DENND2A: variants seen among roughly 807,000 people sequenced by gnomAD.
The protein encoded by DENND2A is DENN domain-containing protein 2A.
In DENND2A, 53 loss-of-function variants were observed where a neutral mutation model predicts 105.3. The observed-to-expected ratio is 0.50, with a 90% CI of 0.40 to 0.63. The LOEUF (loss-of-function observed/expected upper bound fraction) is 0.63, where lower values mean the gene tolerates loss of function less well. DENND2A is among the 30% of genes least tolerant of loss of function. The probability of loss-of-function intolerance (pLI) is 0.00; values close to 1 mark genes in which losing one functional copy is unlikely to be tolerated. For synonymous variants in DENND2A, 522 were observed against 508.4 expected (o/e 1.03, Z -0.36); for missense variants, 1,138 against 1,279.6 (o/e 0.89, Z 1.69).
chr7:140,589,826 G>A lies in DENND2A; in HGVS notation c.996-2046C>T, dbSNP rs1309053215. ...AATTTTTTGTAGAAATGGAGGTCTT[G>A]CTTTGCTGCCCAGGCTGGTCTCAAA... On this transcript the variant is annotated intron_variant, in intron 3 of 19. Coordinates refer to ENST00000496613, the MANE Select transcript of DENND2A (RefSeq NM_015689.5). 1.3e-4 allele frequency among the ~76,000 whole-genome samples: 20 copies of A among 152,116 alleles called. No homozygotes were observed. In the South Asian group the frequency reaches 4.2e-3, roughly 32 times the overall value.
At position 140,570,750 on chromosome 7, in the gene DENND2A, C is replaced by T. The variant is rs934702180; in HGVS notation, c.1447-1012G>A. Reference sequence around the variant, plus strand: ...GGTCTCCCCCATCACCACTGCCAGACGCCCTGTGCCCTGCCCCTCCCCACC... The same window carrying T: ...GGTCTCCCCCATCACCACTGCCAGATGCCCTGTGCCCTGCCCCTCCCCACC... On this transcript the variant is annotated intron_variant, in intron 6 of 19. Transcript: ENST00000496613. Among the ~76,000 whole-genome samples the T allele has an allele frequency of 3.9e-5, 6 of 152,222 alleles. 1 individual carries two copies. Among genetic ancestry groups the T allele is most frequent in the South Asian group, 4.1e-4 (2 of 4,826 alleles).
chr7:140,535,348 T>A (rs1404790846), intron 14 of DENND2A, among the ~76,000 whole-genome samples: 1 of 152,230 alleles, frequency 6.6e-6, no homozygotes, highest in South Asian at 2.1e-4. Flanking sequence ...GGAGTCACCA[T>A]GCAGTGGCTC....
At chr7:140,622,256 C>T (rs181034654) in intron 1 of DENND2A, among the ~76,000 whole-genome samples, 1 of 151,970 alleles carries the variant, frequency 6.6e-6, no homozygotes, top group African/African-American at 2.4e-5. Flanking sequence ...ATTAGCCAGG[C>T]GTGGTGGCAC....
At chr7:140,564,294 A>ATACACACAC (rs60977409) in intron 9 of DENND2A, among the ~76,000 whole-genome samples, 1 of 142,056 alleles carries the variant, frequency 7.0e-6, no homozygotes, top group South Asian at 2.2e-4. Context: ...AAAAAAAAAA[A>ATACACACAC]AAATACACAC....
At chr7:140,556,731 T>C (rs964845415) in intron 11 of DENND2A, among the ~76,000 whole-genome samples, 2 of 152,232 alleles carry the variant, frequency 1.3e-5, no homozygotes, top group Admixed American at 6.5e-5. Context: ...ATTTTACTGA[T>C]TAATTCAAAA....
chr7:140,560,491 A>T (rs1797569303), intron 9 of DENND2A, among the ~76,000 whole-genome samples: 1 of 152,140 alleles, frequency 6.6e-6, no homozygotes, highest in Non-Finnish European at 1.5e-5. Context: ...ATCATACAGT[A>T]TCTGACATAT....
rs1408171421 is a variant in DENND2A, at chr7:140,559,926, G to C, written c.1780-109C>G. 2.5e-6 allele frequency: 2 copies of C among 810,418 alleles called. No individual in the cohort carries two copies. Among genetic ancestry groups the C allele is most frequent in the African/African-American group, 3.4e-5 (2 of 58,848 alleles). 50.2% of individuals were successfully genotyped at this position (810,418 alleles called of 1,614,324 possible). ...CCACCTTTCCACATTTGTGACTGCC[G>C]CCTTAGCCTCTTCCCTTGGGAAGAG... On this transcript the variant is annotated intron_variant, in intron 9 of 19. Transcript: ENST00000496613. The surrounding 1 kb of genome is among the most constrained non-coding windows in gnomAD (Gnocchi z 4.1).
At chr7:140,535,503 C>G (rs545989287) in intron 14 of DENND2A, among the ~76,000 whole-genome samples, 1 of 152,218 alleles carries the variant, frequency 6.6e-6, no homozygotes, top group South Asian at 2.1e-4. Context: ...GCCTCAGATT[C>G]TCACCTGTGA....
chr7:140,539,628 G>A (rs548960638), intron 14 of DENND2A, among the ~76,000 whole-genome samples: 5 of 152,312 alleles, frequency 3.3e-5, no homozygotes, highest in East Asian at 3.9e-4. Context: ...GCAGAATGAC[G>A]GATCCTCTGC....
chr7:140,570,172 G>C (rs1172357951), intron 6 of DENND2A, among the ~76,000 whole-genome samples: 1 of 152,154 alleles, frequency 6.6e-6, no homozygotes, highest in African/African-American at 2.4e-5. Context: ...TGGGATTACA[G>C]GCGCGAGCCA....
At chr7:140,546,451 G>A (rs969197908) in intron 13 of DENND2A, among the ~76,000 whole-genome samples, 2 of 152,048 alleles carry the variant, frequency 1.3e-5, no homozygotes, top group African/African-American at 4.8e-5. Context: ...TTATAGAGGT[G>A]ATACAGACTT....
At chr7:140,534,580 G>A (rs752447194) in intron 14 of DENND2A, among the ~76,000 whole-genome samples, 19 of 152,176 alleles carry the variant, frequency 1.2e-4, no homozygotes, top group African/African-American at 3.4e-4. Flanking sequence ...GTGAAGGCCC[G>A]AGGAGCCCTC....
chr7:140,592,609 T>C (rs1489620489), intron 3 of DENND2A, among the ~76,000 whole-genome samples: 2 of 151,380 alleles, frequency 1.3e-5, no homozygotes, highest in Non-Finnish European at 2.9e-5. Context: ...TTTTTTTTTT[T>C]CTTTTTTTGA....
intron 1 of DENND2A, among the ~76,000 whole-genome samples, chr7:140,634,815 T>C (rs1800860994): frequency 6.6e-6 from 1 of 152,000 alleles, no homozygotes; most frequent in Non-Finnish European, 1.5e-5. Flanking sequence ...GAGGTTGCTG[T>C]GAGCTGAGAT....
At position 140,586,347 on chromosome 7, in the gene DENND2A, C is replaced by T. The variant is rs527914022; in HGVS notation, c.1124-637G>A. Among the ~76,000 whole-genome samples the T allele has an allele frequency of 2.6e-4, 38 of 148,950 alleles. 2 individuals are homozygous for T. In the South Asian group the frequency reaches 6.4e-3, roughly 25 times the overall value. ...TAGCCTGGGCAATGTGGGAAAACCC[C>T]GTCCCTCCTAAAAAAGAAAACACAC... On this transcript the variant is annotated intron_variant, in intron 4 of 19. Coordinates refer to ENST00000496613, the MANE Select transcript of DENND2A (RefSeq NM_015689.5).
chr7:140,594,074 T>C (rs954579763), intron 3 of DENND2A, among the ~76,000 whole-genome samples: 1 of 152,030 alleles, frequency 6.6e-6, no homozygotes, highest in Non-Finnish European at 1.5e-5. Context: ...GCCTGACTAA[T>C]TTTTTGTATA....
At chr7:140,519,115 A>G (rs1795760990) in intron 19 of DENND2A, among the ~76,000 whole-genome samples, 1 of 152,196 alleles carries the variant, frequency 6.6e-6, no homozygotes, top group South Asian at 2.1e-4. Flanking sequence ...AGGCACAGAT[A>G]TGGCGCCCTT....
intron 3 of DENND2A, among the ~76,000 whole-genome samples, chr7:140,588,910 T>G (rs772983284): frequency 2.0e-5 from 3 of 151,902 alleles, no homozygotes; most frequent in Non-Finnish European, 4.4e-5. Flanking sequence ...GTCTGGCTAA[T>G]TTTTGTATTT....
intron 14 of DENND2A, among the ~76,000 whole-genome samples, chr7:140,538,369 C>T (rs1169198569): frequency 1.3e-5 from 2 of 152,160 alleles, no homozygotes; most frequent in Non-Finnish European, 2.9e-5. Flanking sequence ...TTAGGGGCTA[C>T]AGCTGGAAAT....
Sources: allele counts gnomAD v4.1 joint callset (sites outside exome capture counted in the v4.1 genomes callset), GRCh38; gene constraint gnomAD v4.1.1; non-coding constraint Gnocchi (gnomAD v3.1); transcripts MANE v1.5; gene names NCBI Gene and HGNC (gene_info 2026-07-23, HGNC 2026-07-21).